The following FRMPD4 variants were observed in gnomAD, a reference collection of about 807,000 sequenced individuals.
The protein encoded by FRMPD4 is FERM and PDZ domain containing 4, also known as FERM and PDZ domain-containing protein 4.
In FRMPD4, 22 loss-of-function variants were observed where a neutral mutation model predicts 94.1. That is an observed-to-expected ratio of 0.23 (90% CI 0.17 to 0.33). The LOEUF is 0.33. Ranked by LOEUF, FRMPD4 falls within the 10% of genes least tolerant of loss-of-function variation. The pLI, the probability that FRMPD4 is intolerant of heterozygous loss-of-function variation, is 1.00. For missense variants in FRMPD4, 1,111 were observed against 1,339.9 expected (o/e 0.83, Z 2.67); for synonymous variants, 631 against 548.6 (o/e 1.15, Z -2.10).
At chrX:12,688,932 G>T (rs1470779022) in intron 7 of FRMPD4, among the ~76,000 whole-genome samples, 1 of 109,392 alleles carries the variant, frequency 9.1e-6, no homozygotes, top group East Asian at 2.9e-4. Flanking sequence ...TCACTCTAAG[G>T]TTTCCGGATC....
intron 1 of FRMPD4, among the ~76,000 whole-genome samples, chrX:12,200,497 A>T (rs2056618610): frequency 9.0e-6 from 1 of 111,468 alleles, no homozygotes; most frequent in East Asian, 2.8e-4. Flanking sequence ...TTAAAATTTT[A>T]AAATTTTTAT....
chrX:12,477,127 A>G (rs753651709), intron 1 of FRMPD4, among the ~76,000 whole-genome samples: 1 of 112,206 alleles, frequency 8.9e-6, no homozygotes, highest in South Asian at 3.7e-4. Flanking sequence ...ATGCAGCCAT[A>G]AAAAATGATG....
At chrX:12,619,771 A>G (rs1230641712) in intron 4 of FRMPD4, among the ~76,000 whole-genome samples, 2 of 111,981 alleles carry the variant, frequency 1.8e-5, no homozygotes. Flanking sequence ...TCTCTCAGCC[A>G]TTGTCTGCGA....
chrX:12,527,443 CA>C (rs1466254916), intron 2 of FRMPD4, among the ~76,000 whole-genome samples: 1 of 107,597 alleles, frequency 9.3e-6, no homozygotes, highest in Non-Finnish European at 1.9e-5. Context: ...TTAAGACTTG[CA>C]ATATTAATTG....
chrX:12,091,651 T>C (rs2055154521), intron 3 of FRMPD4, among the ~76,000 whole-genome samples: 2 of 111,799 alleles, frequency 1.8e-5, no homozygotes, highest in Non-Finnish European at 3.8e-5. Context: ...GGGGTGATTG[T>C]ATCTCCCAGG....
chrX:12,094,925 T>A (rs184333197), intron 3 of FRMPD4, among the ~76,000 whole-genome samples: 1 of 111,804 alleles, frequency 8.9e-6, no homozygotes, highest in East Asian at 2.8e-4. Flanking sequence ...AAGTCATATA[T>A]GTATTTTACC....
At chrX:11,978,945 T>C (rs186376186) in intron 3 of FRMPD4, among the ~76,000 whole-genome samples, 1 of 111,773 alleles carries the variant, frequency 8.9e-6, no homozygotes, top group East Asian at 2.8e-4. Flanking sequence ...TTTGTAGCAC[T>C]AAGCACTTTT....
intron 1 of FRMPD4, among the ~76,000 whole-genome samples, chrX:12,298,238 G>T (rs1460190693): frequency 8.9e-6 from 1 of 112,181 alleles, no homozygotes; most frequent in Non-Finnish European, 1.9e-5. Context: ...TGTGAGCTAA[G>T]GGTGCTAATA....
At chrX:11,866,241 G>A (rs1027855990) in intron 2 of FRMPD4, among the ~76,000 whole-genome samples, 1 of 112,102 alleles carries the variant, frequency 8.9e-6, no homozygotes, top group Non-Finnish European at 1.9e-5. Context: ...ATAGGTTTCA[G>A]TTTGGTGACG....
At chrX:12,325,086 C>T (rs940247842) in intron 1 of FRMPD4, among the ~76,000 whole-genome samples, 1 of 112,376 alleles carries the variant, frequency 8.9e-6, no homozygotes, top group Non-Finnish European at 1.9e-5. Context: ...ATGAACCCAA[C>T]CTGTTTTCCT....
At chrX:12,313,829 T>G (rs889298735) in intron 1 of FRMPD4, among the ~76,000 whole-genome samples, 6 of 111,728 alleles carry the variant, frequency 5.4e-5, no homozygotes, top group South Asian at 7.6e-4. Flanking sequence ...TAATTTCTCT[T>G]TTTTCCTCTC....
chrX:12,694,370 T>C lies in FRMPD4; in HGVS notation c.849T>C (p.Cys283=). 1 of 1,194,116 alleles carries C rather than the reference T, an allele frequency of 8.4e-7. No individual in the cohort carries two copies. Reference sequence around the variant, plus strand: ...GGCCCAGCTCCCATAAGATGAGATGTCTTTTCCGAATTAGCTTCGTCCCAA... The same window carrying C: ...GGCCCAGCTCCCATAAGATGAGATGCCTTTTCCGAATTAGCTTCGTCCCAA... ...TQRPSSHKMR[C]LFRISFVPKD... The change falls in exon 9 of 17, where the codon TGT becomes TGC. Residue 283 remains cysteine, a synonymous_variant. Coordinates refer to ENST00000675598, the MANE Select transcript of FRMPD4 (RefSeq NM_001368397.1).
At chrX:11,875,932 G>A (rs1265620106) in intron 2 of FRMPD4, among the ~76,000 whole-genome samples, 1 of 91,507 alleles carries the variant, frequency 1.1e-5, no homozygotes, top group African/African-American at 4.1e-5. Flanking sequence ...CTGGAGTGCA[G>A]TGGCGCGATC....
At chrX:11,974,202 G>A (rs2054355386) in intron 3 of FRMPD4, among the ~76,000 whole-genome samples, 2 of 111,283 alleles carry the variant, frequency 1.8e-5, no homozygotes, top group Non-Finnish European at 3.8e-5. Flanking sequence ...GATGGGGCCT[G>A]ATGGGAGGTG....
At chrX:12,651,339 ATTT>A (rs5901482) in intron 4 of FRMPD4, among the ~76,000 whole-genome samples, 6 of 84,807 alleles carry the variant, frequency 7.1e-5, no homozygotes, top group Non-Finnish European at 9.3e-5. Context: ...ACCCACTAGG[ATTT>A]TTTTTTTTTT....
chrX:12,460,357 T>A (rs777235010), intron 1 of FRMPD4, among the ~76,000 whole-genome samples: 1 of 112,251 alleles, frequency 8.9e-6, no homozygotes, highest in African/African-American at 3.2e-5. Context: ...ACAAAGATTT[T>A]GTCCAACACT....
At chrX:12,130,698 T>C (rs1293893541) in intron 3 of FRMPD4, among the ~76,000 whole-genome samples, 1 of 111,035 alleles carries the variant, frequency 9.0e-6, no homozygotes, top group Non-Finnish European at 1.9e-5. Flanking sequence ...ACCCTCATAA[T>C]AGTCTTCAAG....
intron 1 of FRMPD4, among the ~76,000 whole-genome samples, chrX:12,230,846 C>G (rs1276661441): frequency 1.1e-5 from 1 of 92,608 alleles, no homozygotes; most frequent in Non-Finnish European, 2.1e-5. Flanking sequence ...AACTACAAAG[C>G]ACTATTAAAA....
intron 1 of FRMPD4, among the ~76,000 whole-genome samples, chrX:12,335,622 A>G (rs775292882): frequency 2.3e-3 from 260 of 111,043 alleles, no homozygotes; most frequent in Non-Finnish European, 4.2e-3. Context: ...TGCTTTCACT[A>G]TCTACTCTCT....
Sources: allele counts gnomAD v4.1 joint callset (sites outside exome capture counted in the v4.1 genomes callset), GRCh38; gene constraint gnomAD v4.1.1; transcripts MANE v1.5; gene names NCBI Gene and HGNC (gene_info 2026-07-23, HGNC 2026-07-21).